DHX15: variants seen among roughly 807,000 people sequenced by gnomAD.
The protein encoded by DHX15 is DEAH-box helicase 15.
Under a neutral mutation model 94.4 loss-of-function variants are expected in DHX15, and 11 were observed. That is an observed-to-expected ratio of 0.12 (90% CI 0.07 to 0.19). DHX15 has a LOEUF of 0.19. DHX15 is among the 10% of genes least tolerant of loss of function. The pLI is 1.00. For synonymous variants in DHX15, 338 were observed against 329.9 expected, an observed-to-expected ratio of 1.02 and a Z score of -0.27; for missense variants, 304 against 988.5, an observed-to-expected ratio of 0.31 and a Z score of 9.29.
At chr4:24,538,191 A>G (rs961770701) in intron 10 of DHX15, 4 of 152,190 alleles carry the variant, frequency 2.6e-5, no homozygotes, top group African/African-American at 9.6e-5. Flanking sequence ...CACATTTTAA[A>G]AGCTCTTAAA....
chr4:24,577,274 T>C (rs780102936), intron 1 of DHX15, among the ~76,000 whole-genome samples: 23 of 152,316 alleles, frequency 1.5e-4, no homozygotes, highest in Non-Finnish European at 2.9e-4. Flanking sequence ...GAAAAGAGCA[T>C]AGTACAATGT....
intron 3 of DHX15, among the ~76,000 whole-genome samples, chr4:24,562,131 CAAAAAA>C (rs71196191): frequency 5.1e-4 from 40 of 77,824 alleles, no homozygotes; most frequent in Non-Finnish European, 6.9e-4. Flanking sequence ...GACACTGTCT[CAAAAAA>C]AAAAAAAAAA....
At chr4:24,534,175 T>A (rs1203641840) in intron 11 of DHX15, 1 of 152,216 alleles carries the variant, frequency 6.6e-6, no homozygotes, top group Non-Finnish European at 1.5e-5. Flanking sequence ...GTTAACCATC[T>A]GAAGCCATTG....
At chr4:24,543,092 T>C (rs1577335870) in intron 6 of DHX15, 66 bp from the exon 7 acceptor site, 16 of 1,147,934 alleles carry the variant, frequency 1.4e-5, no homozygotes, top group Non-Finnish European at 1.3e-6. Context: ...CTGTTAAAGA[T>C]CAGCCACTAA....
At chr4:24,529,507 AT>A in intron 13 of DHX15, 93 bp downstream of exon 13, 1 of 1,057,968 alleles carries the variant, frequency 9.5e-7, no homozygotes, top group Non-Finnish European at 1.4e-6. Flanking sequence ...TAAATTCTCA[AT>A]GAGTGAATGC....
At chr4:24,570,198 C>T (rs1362599820) in intron 3 of DHX15, among the ~76,000 whole-genome samples, 3 of 152,194 alleles carry the variant, frequency 2.0e-5, no homozygotes. Flanking sequence ...CAAAAGATTC[C>T]TCTTTTTAGC....
chr4:24,535,173 T>TG (rs1394061975), intron 11 of DHX15, among the ~76,000 whole-genome samples: 1 of 152,190 alleles, frequency 6.6e-6, no homozygotes, highest in African/African-American at 2.4e-5. Flanking sequence ...ACAATAGACT[T>TG]GAACTTTTCC....
At chr4:24,541,179 A>G (rs778030335) in intron 8 of DHX15, among the ~76,000 whole-genome samples, 8 of 152,142 alleles carry the variant, frequency 5.3e-5, no homozygotes, top group Non-Finnish European at 1.0e-4. Flanking sequence ...TGCAGAAAGA[A>G]ATTCGTATAG....
chr4:24,569,550 C>G (rs1007540022), intron 3 of DHX15, among the ~76,000 whole-genome samples: 4 of 138,696 alleles, frequency 2.9e-5, no homozygotes, highest in Non-Finnish European at 6.1e-5. Flanking sequence ...CGAGATGGCG[C>G]CACTGCACTC....
At chr4:24,533,508 C>T (rs1320052220) in intron 11 of DHX15, 1 of 162,640 alleles carries the variant, frequency 6.1e-6, no homozygotes, top group East Asian at 1.6e-4. Context: ...TTAAAGACGG[C>T]AAAGTTTTAT....
chr4:24,567,294 C>T (rs1722013056), intron 3 of DHX15, among the ~76,000 whole-genome samples: 1 of 152,172 alleles, frequency 6.6e-6, no homozygotes, highest in Non-Finnish European at 1.5e-5. Context: ...TATGTTACAA[C>T]CAGGCTGGGC....
Position 24,527,883 on chromosome 4 carries a change from T to C in DHX15, c.*41A>G, listed in dbSNP as rs1373552606. On this transcript the variant is annotated 3_prime_UTR_variant, in exon 14 of 14. Transcript: ENST00000336812. Reference sequence around the variant, plus strand: ...CGAACTTTTGAGTTCATTCATCTTTTAAAGCTGTCCTCTCAATAACTTCAG... The same window carrying C: ...CGAACTTTTGAGTTCATTCATCTTTCAAAGCTGTCCTCTCAATAACTTCAG... The C allele has an allele frequency of 1.5e-5, 21 of 1,448,180 alleles. No individual in the cohort carries two copies. The highest frequency in any genetic ancestry group is 2.0e-5 in the Non-Finnish European group (21 of 1,031,328). The allele number at this position is 1,448,180 out of a possible 1,614,324, so 89.7% of individuals were successfully genotyped here.
intron 5 of DHX15, among the ~76,000 whole-genome samples, chr4:24,549,554 T>A (rs1485016391): frequency 6.6e-6 from 1 of 152,136 alleles, no homozygotes; most frequent in African/African-American, 2.4e-5. Context: ...CAGCTACAAA[T>A]TTTTTTCTCA....
intron 6 of DHX15, among the ~76,000 whole-genome samples, chr4:24,544,009 T>C (rs1033043807): frequency 1.3e-5 from 2 of 151,330 alleles, no homozygotes; most frequent in Admixed American, 6.6e-5. Context: ...TTTACTTCCA[T>C]AGCAAAGTCA....
At chr4:24,572,727 T>C (rs1240844898) in intron 2 of DHX15, among the ~76,000 whole-genome samples, 1 of 152,220 alleles carries the variant, frequency 6.6e-6, no homozygotes, top group African/African-American at 2.4e-5. Flanking sequence ...GTGCGTTTCC[T>C]TGTATTTTTA....
chr4:24,567,652 C>A (rs1722022731), intron 3 of DHX15, among the ~76,000 whole-genome samples: 1 of 151,832 alleles, frequency 6.6e-6, no homozygotes, highest in African/African-American at 2.4e-5. Context: ...ACACCAGAAG[C>A]CAACAACCTC....
chr4:24,541,133 T>C (rs903394037), intron 8 of DHX15, among the ~76,000 whole-genome samples, 185 bp from the exon 9 acceptor site: 3 of 152,154 alleles, frequency 2.0e-5, no homozygotes, highest in Admixed American at 6.5e-5. Flanking sequence ...ATCTTTATAG[T>C]ATTCAGTGTT....
At chr4:24,549,672 T>C (rs546642221) in intron 5 of DHX15, among the ~76,000 whole-genome samples, 167 of 152,334 alleles carry the variant, frequency 1.1e-3, no homozygotes, top group African/African-American at 3.7e-3. Flanking sequence ...ACCTAAACTG[T>C]ATAGCCTATT....
intron 3 of DHX15, among the ~76,000 whole-genome samples, chr4:24,556,660 G>T (rs1721743217): frequency 6.6e-6 from 1 of 152,148 alleles, no homozygotes; most frequent in African/African-American, 2.4e-5. Flanking sequence ...GGGAAGACAT[G>T]ATATGACCAA....
Sources: allele counts gnomAD v4.1 joint callset (sites outside exome capture counted in the v4.1 genomes callset), GRCh38; gene constraint gnomAD v4.1.1; transcripts MANE v1.5; gene names NCBI Gene and HGNC (gene_info 2026-07-23, HGNC 2026-07-21).